Variants in CSMD2 observed in about 807,000 individuals in gnomAD.
The protein encoded by CSMD2 is CUB and sushi domain-containing protein 2.
Under a neutral mutation model 398.5 loss-of-function variants are expected in CSMD2, and 130 were observed. That is an observed-to-expected ratio of 0.33 (90% CI 0.28 to 0.38). The LOEUF is 0.38. CSMD2 is among the 10% of genes least tolerant of loss of function. The pLI is 1.00. For synonymous variants in CSMD2, 1,828 were observed against 1,908.5 expected (o/e 0.96, Z 1.10); for missense variants, 3,829 against 4,764.9 (o/e 0.80, Z 5.78).
At position 33,605,415 on chromosome 1, in the gene CSMD2, C is replaced by G. The variant is rs764761071; in HGVS notation, c.6399G>C (p.Arg2133Ser). ...ATTGTCCCACGTTGTAGCCAGCTCC[C>G]CTCACAATGCCATTGGCAAAGGGCT... ...DPEPFANGIV[R>S]GAGYNVGQSV... The change falls in exon 42 of 71, where the codon AGG (arginine) becomes AGC (serine). Residue 2133 changes from arginine to serine, a missense_variant. Arg to Ser is a moderately radical substitution (Grantham distance 110). Around this residue, in one of 5 missense-constraint regions of CSMD2, gnomAD observed 2,001 missense variants for 2,567.1 expected, o/e 0.78. Transcript: ENST00000373381. 6.2e-7 allele frequency: 1 copy of G among 1,614,196 alleles called. No homozygotes were observed. Among genetic ancestry groups the G allele is most frequent in the Admixed American group, 1.7e-5 (1 of 60,026 alleles).
rs1638354958 is a variant in CSMD2, at chr1:33,577,423, G to A, written c.7449C>T (p.Thr2483=). 1.9e-6 allele frequency: 3 copies of A among 1,614,132 alleles called. No individual in the cohort carries two copies. Among genetic ancestry groups the A allele is most frequent in the Non-Finnish European group, 2.5e-6 (3 of 1,180,012 alleles). The change falls in exon 49 of 71, where the codon ACC becomes ACT. Residue 2483 remains threonine, a synonymous_variant. Transcript: ENST00000373381. ...CAAAGTGGATGGAGCCCCCGGGCTG[G>A]GTGCTGGTCTGGCCTAGGATGAAGC... ...LHGFILGQTS[T]QPGGSIHFGC... is the part of the protein sequence containing the mutation.
intron 68 of CSMD2, among the ~76,000 whole-genome samples, 182 bp downstream of exon 68, chr1:33,521,281 G>A (rs1466862102): frequency 1.3e-5 from 2 of 152,140 alleles, no homozygotes; most frequent in African/African-American, 4.8e-5. Context: ...ACATGTGTTT[G>A]CTTTTGGAGA....
intron 64 of CSMD2, 101 bp downstream of exon 64, chr1:33,532,949 A>C: frequency 1.8e-6 from 2 of 1,131,010 alleles, no homozygotes; most frequent in Non-Finnish European, 2.5e-6. Flanking sequence ...CAGCTCCTTG[A>C]AACGCAATTC....
At chr1:33,974,707 G>A (rs1292874438) in intron 3 of CSMD2, among the ~76,000 whole-genome samples, 1 of 152,172 alleles carries the variant, frequency 6.6e-6, no homozygotes, top group Non-Finnish European at 1.5e-5. Context: ...CACACTGCAG[G>A]AGAATACTGG....
At chr1:33,768,092 T>G (rs767581399) in intron 13 of CSMD2, among the ~76,000 whole-genome samples, 6 of 152,220 alleles carry the variant, frequency 3.9e-5, no homozygotes, top group Non-Finnish European at 7.3e-5. Flanking sequence ...GACTCATATA[T>G]TCCCAATAAT....
chr1:33,865,866 A>G (rs545759561), intron 5 of CSMD2, among the ~76,000 whole-genome samples: 93 of 152,326 alleles, frequency 6.1e-4, no homozygotes, highest in Non-Finnish European at 9.6e-4. Context: ...TCTGTCTGGT[A>G]ACTAGATTTT....
At chr1:33,929,280 C>T (rs1249329999) in intron 4 of CSMD2, among the ~76,000 whole-genome samples, 1 of 152,010 alleles carries the variant, frequency 6.6e-6, no homozygotes, top group Admixed American at 6.6e-5. Flanking sequence ...GCCTGGTTGC[C>T]CATAATAGCT....
intron 5 of CSMD2, among the ~76,000 whole-genome samples, chr1:33,853,831 G>A (rs1284034060): frequency 1.3e-5 from 2 of 152,354 alleles, no homozygotes; most frequent in East Asian, 3.9e-4. Context: ...TGAACAAACA[G>A]CAGTAGCTTA....
chr1:33,643,210 T>C (rs1484059351), intron 29 of CSMD2, among the ~76,000 whole-genome samples: 1 of 152,188 alleles, frequency 6.6e-6, no homozygotes, highest in Non-Finnish European at 1.5e-5. Context: ...CCATCTATGG[T>C]TCTCTCCAGA....
chr1:34,126,667 A>G (rs2148484849), intron 1 of CSMD2, among the ~76,000 whole-genome samples: 1 of 152,270 alleles, frequency 6.6e-6, no homozygotes, highest in Non-Finnish European at 1.5e-5. Context: ...GCTGGGAGAC[A>G]CTGCAGGAGG....
At chr1:33,975,502 C>CACACACACACACAT in intron 3 of CSMD2, among the ~76,000 whole-genome samples, 1 of 152,028 alleles carries the variant, frequency 6.6e-6, no homozygotes, top group Non-Finnish European at 1.5e-5. Flanking sequence ...CACACACACA[C>CACACACACACACAT]ACACACACAC....
intron 25 of CSMD2, among the ~76,000 whole-genome samples, chr1:33,690,876 T>C (rs756346986): frequency 6.6e-6 from 1 of 152,072 alleles, no homozygotes; most frequent in Non-Finnish European, 1.5e-5. Flanking sequence ...AGGTAAGGCA[T>C]GAGCATAAAT....
At chr1:33,651,582 G>A (rs115802462) in intron 28 of CSMD2, among the ~76,000 whole-genome samples, 1,840 of 152,192 alleles carry the variant, frequency 0.012, 40 homozygotes, top group African/African-American at 0.042. Context: ...GACAAAGCCC[G>A]GCAAAAGAAG....
intron 3 of CSMD2, among the ~76,000 whole-genome samples, chr1:33,978,191 C>T (rs1211274965): frequency 6.6e-6 from 1 of 152,196 alleles, no homozygotes; most frequent in Non-Finnish European, 1.5e-5. Flanking sequence ...GATTACAACA[C>T]AGGAAGTCTG....
chr1:33,625,698 T>C (rs887192816), intron 33 of CSMD2, among the ~76,000 whole-genome samples: 4 of 152,098 alleles, frequency 2.6e-5, no homozygotes, highest in African/African-American at 9.7e-5. Context: ...CCCTCCCTCC[T>C]GCCGCCCAGA....
At chr1:33,987,905 C>T (rs1271922987) in intron 3 of CSMD2, among the ~76,000 whole-genome samples, 1 of 152,190 alleles carries the variant, frequency 6.6e-6, no homozygotes, top group African/African-American at 2.4e-5. Context: ...TTCACACCTG[C>T]ATCATATCTC....
intron 13 of CSMD2, among the ~76,000 whole-genome samples, chr1:33,756,980 A>G (rs1478650885): frequency 6.6e-6 from 1 of 152,210 alleles, no homozygotes; most frequent in Non-Finnish European, 1.5e-5. Context: ...TGCAGCCATA[A>G]AAAGTGATGA....
rs1655475483 is a variant in CSMD2 at position 33,533,680 on chromosome 1, GTCGGT to G, written c.9991+111_9991+115del. 4 of 680,406 alleles carry G rather than the reference GTCGGT, an allele frequency of 5.9e-6. No homozygotes were observed. Among genetic ancestry groups the G allele is most frequent in the Admixed American group, 2.5e-5 (1 of 40,590 alleles). The allele number at this position is 680,406 out of a possible 1,614,324, so 42.1% of individuals were successfully genotyped here. On this transcript the variant is annotated intron_variant, in intron 63 of 70. Transcript: ENST00000373381. The surrounding 1 kb of genome is among the most constrained non-coding windows in gnomAD (Gnocchi z 4.2). ...GTGTAAGGACTACAAAGAGACCGATGTCGGTTCGCATGGGGAGTTGTGAACTCCCT... is the reference window on the plus strand; with the variant it reads ...GTGTAAGGACTACAAAGAGACCGATGTCGCATGGGGAGTTGTGAACTCCCT...
chr1:33,802,768 C>T (rs1434610147), intron 10 of CSMD2, among the ~76,000 whole-genome samples: 1 of 152,202 alleles, frequency 6.6e-6, no homozygotes, highest in Non-Finnish European at 1.5e-5. Context: ...AATCCCGTGG[C>T]CCTCTCACTC....
Sources: allele counts gnomAD v4.1 joint callset (sites outside exome capture counted in the v4.1 genomes callset), GRCh38; gene constraint gnomAD v4.1.1; regional missense constraint gnomAD v4.1.1; non-coding constraint Gnocchi (gnomAD v3.1); transcripts MANE v1.5; gene names NCBI Gene and HGNC (gene_info 2026-07-23, HGNC 2026-07-21).